HMGCLL1: variants seen among roughly 807,000 people sequenced by gnomAD.
HMGCLL1 encodes 3-hydroxy-3-methylglutaryl-CoA lyase like 1.
Under a neutral mutation model 39.1 loss-of-function variants are expected in HMGCLL1, and 36 were observed. The observed-to-expected ratio is 0.92, with a 90% confidence interval of 0.71 to 1.22. The LOEUF is 1.22. Among genes scored for constraint, HMGCLL1 ranks in the 50% most tolerant of loss-of-function variants. HMGCLL1 has a pLI of 0.00. For synonymous variants in HMGCLL1, 149 were observed against 144.0 expected, an observed-to-expected ratio of 1.03 and a Z score of -0.25; for missense variants, 451 against 416.5, an observed-to-expected ratio of 1.08 and a Z score of -0.72.
At chr6:55,506,321 C>A (rs1229155963) in intron 5 of HMGCLL1, among the ~76,000 whole-genome samples, 4 of 151,404 alleles carry the variant, frequency 2.6e-5, no homozygotes, top group Non-Finnish European at 1.5e-5. Context: ...TTCATTTGAT[C>A]CTTTGTGTTT....
upstream of HMGCLL1, among the ~76,000 whole-genome samples, chr6:55,579,903 C>G (rs1405558254): frequency 6.6e-6 from 1 of 152,164 alleles, no homozygotes; most frequent in African/African-American, 2.4e-5. Flanking sequence ...AGCAGACCAC[C>G]GGCCTACCTT....
the HMGCLL1 span, among the ~76,000 whole-genome samples, chr6:55,650,410 C>A: frequency 2.0e-5 from 3 of 151,670 alleles, no homozygotes; most frequent in Non-Finnish European, 4.4e-5. Context: ...TGGAATAATT[C>A]TCTGAATTAC....
At chr6:55,625,935 C>A in the HMGCLL1 span, among the ~76,000 whole-genome samples, 1 of 152,120 alleles carries the variant, frequency 6.6e-6, no homozygotes, top group Non-Finnish European at 1.5e-5. Context: ...GCCTCTTTCC[C>A]CAGCCACCTC....
the HMGCLL1 span, among the ~76,000 whole-genome samples, chr6:55,676,215 T>C: frequency 2.6e-5 from 4 of 152,042 alleles, no homozygotes; most frequent in African/African-American, 9.7e-5. Context: ...GAACAAACAC[T>C]CTTATGCTTA....
the HMGCLL1 span, among the ~76,000 whole-genome samples, chr6:55,642,590 TTG>T: frequency 6.6e-6 from 1 of 152,118 alleles, no homozygotes; most frequent in African/African-American, 2.4e-5. Context: ...CATTTATCCT[TTG>T]TGTTACAAAC....
the HMGCLL1 span, among the ~76,000 whole-genome samples, chr6:55,631,032 G>T: frequency 3.9e-5 from 6 of 152,012 alleles, no homozygotes; most frequent in African/African-American, 1.4e-4. Flanking sequence ...ATGTCTGGAA[G>T]TCATCTTCTT....
At chr6:55,466,183 T>C (rs538482987) in intron 7 of HMGCLL1, among the ~76,000 whole-genome samples, 1 of 152,082 alleles carries the variant, frequency 6.6e-6, no homozygotes, top group African/African-American at 2.4e-5. Flanking sequence ...TTATGCCTGA[T>C]GGACTTAATT....
rs746458408 is a variant in HMGCLL1 at position 55,541,822 on chromosome 6, T to G, written c.204A>C (p.Thr68=). 7.1e-5 allele frequency: 113 copies of G among 1,591,118 alleles called. No individual in the cohort carries two copies. Among genetic ancestry groups the G allele is most frequent in the Non-Finnish European group, 9.2e-5 (107 of 1,162,208 alleles). Residue 68 remains threonine, a synonymous_variant, in exon 3 of 9, where the codon ACA becomes ACC. Coordinates refer to ENST00000274901, the MANE Select transcript of HMGCLL1 (RefSeq NM_001042406.2). The stretch of plus-strand genomic sequence containing the variant: ...GATTGATAAATTCAATTTTTATATC[T>G]GTAGGAACTATAACCTATGAAAACA... The part of the protein sequence containing the change: ...GLQNEKVIVP[T]DIKIEFINRL...
At chr6:55,675,188 G>T in the HMGCLL1 span, among the ~76,000 whole-genome samples, 1 of 152,068 alleles carries the variant, frequency 6.6e-6, no homozygotes. Context: ...TGCACAGGAT[G>T]TGCTGAAAAT....
At chr6:55,503,210 G>T (rs1171975745) in intron 5 of HMGCLL1, among the ~76,000 whole-genome samples, 1 of 151,652 alleles carries the variant, frequency 6.6e-6, no homozygotes, top group African/African-American at 2.4e-5. Flanking sequence ...TTCTTAATTT[G>T]GGTTTCCACA....
intron 8 of HMGCLL1, among the ~76,000 whole-genome samples, chr6:55,436,200 A>G (rs566483160): frequency 1.3e-5 from 2 of 152,154 alleles, no homozygotes; most frequent in East Asian, 3.9e-4. Context: ...TGAAAAAGCC[A>G]TAAGGATTAC....
At chr6:55,627,712 T>C in the HMGCLL1 span, among the ~76,000 whole-genome samples, 1 of 147,918 alleles carries the variant, frequency 6.8e-6, no homozygotes. Context: ...GACACAGGTC[T>C]AGCCTCCCAG....
intron 1 of HMGCLL1, among the ~76,000 whole-genome samples, chr6:55,574,515 T>C (rs956074954): frequency 4.1e-5 from 5 of 122,312 alleles, no homozygotes; most frequent in African/African-American, 1.5e-4. Context: ...ATTAAGGGTA[T>C]AGTAAAAAAA....
At chr6:55,672,125 T>G in the HMGCLL1 span, among the ~76,000 whole-genome samples, 1 of 151,732 alleles carries the variant, frequency 6.6e-6, no homozygotes, top group Non-Finnish European at 1.5e-5. Context: ...TTCTTGAGAA[T>G]GCATTATTTT....
At chr6:55,618,520 C>G in the HMGCLL1 span, among the ~76,000 whole-genome samples, 1 of 151,832 alleles carries the variant, frequency 6.6e-6, no homozygotes, top group East Asian at 1.9e-4. Flanking sequence ...AAAAATAATT[C>G]AATGTATTTT....
chr6:55,637,730 G>GTGTGTC, the HMGCLL1 span, among the ~76,000 whole-genome samples: 1 of 151,460 alleles, frequency 6.6e-6, no homozygotes, highest in Non-Finnish European at 1.5e-5. Context: ...GTGTGTGTGT[G>GTGTGTC]TGTGTGTGTA....
intron 5 of HMGCLL1, among the ~76,000 whole-genome samples, chr6:55,506,978 C>T (rs1767203101): frequency 1.3e-5 from 2 of 151,726 alleles, no homozygotes; most frequent in Non-Finnish European, 2.9e-5. Flanking sequence ...ATCACAGCCA[C>T]AGCATGTGAT....
At chr6:55,532,764 G>A (rs984890865) in intron 3 of HMGCLL1, among the ~76,000 whole-genome samples, 1 of 150,802 alleles carries the variant, frequency 6.6e-6, no homozygotes, top group Non-Finnish European at 1.5e-5. Flanking sequence ...TCACACCACT[G>A]CACTCTAGCC....
chr6:55,482,950 G>C (rs1021130461), intron 7 of HMGCLL1, among the ~76,000 whole-genome samples: 2 of 152,020 alleles, frequency 1.3e-5, no homozygotes, highest in Admixed American at 1.3e-4. Flanking sequence ...AAGAGCGATT[G>C]ATAGAACTCA....
Sources: allele counts gnomAD v4.1 joint callset (sites outside exome capture counted in the v4.1 genomes callset), GRCh38; gene constraint gnomAD v4.1.1; transcripts MANE v1.5; gene names NCBI Gene and HGNC (gene_info 2026-07-23, HGNC 2026-07-21).